The following SPARC variants were observed in gnomAD, a reference collection of about 807,000 sequenced individuals.
SPARC encodes the protein basement-membrane protein 40.
A neutral mutation model predicts 37.7 loss-of-function variants in SPARC; 23 were observed. That is an observed-to-expected ratio of 0.61 (90% CI 0.44 to 0.87). SPARC has a LOEUF of 0.87. Among genes scored for constraint, SPARC ranks in the 40% least tolerant of loss-of-function variants. The pLI, the probability that SPARC is intolerant of heterozygous loss-of-function variation, is 0.00. For synonymous variants in SPARC, 155 were observed against 150.8 expected, an observed-to-expected ratio of 1.03 and a Z score of -0.20; for missense variants, 312 against 389.0, an observed-to-expected ratio of 0.80 and a Z score of 1.66.
At chr5:151,680,765 T>A (rs191550682) in intron 1 of SPARC, among the ~76,000 whole-genome samples, 1 of 152,166 alleles carries the variant, frequency 6.6e-6, no homozygotes, top group African/African-American at 2.4e-5. Context: ...ATGGAAACAA[T>A]AACATACCAA....
At chr5:151,678,947 C>T (rs1395846036) in intron 1 of SPARC, 6 of 152,136 alleles carry the variant, frequency 3.9e-5, no homozygotes, top group Admixed American at 6.5e-5. Context: ...CACGAGATAC[C>T]TCTCTGAGGC....
At chr5:151,666,629 G>A in intron 7 of SPARC, 120 bp from the exon 8 acceptor site, 2 of 821,876 alleles carry the variant, frequency 2.4e-6, no homozygotes, top group Non-Finnish European at 3.8e-6. Flanking sequence ...AAAGCTCACA[G>A]CGAGGGGAGG....
intron 6 of SPARC, among the ~76,000 whole-genome samples, chr5:151,668,095 T>C (rs1485093111): frequency 1.3e-5 from 2 of 152,192 alleles, no homozygotes; most frequent in Non-Finnish European, 2.9e-5. Context: ...ATGTTGGACC[T>C]GAAGATTTCA....
At chr5:151,669,873 C>T in intron 5 of SPARC, 89 bp from the exon 6 acceptor site, 1 of 1,533,180 alleles carries the variant, frequency 6.5e-7, no homozygotes, top group Non-Finnish European at 8.9e-7. Flanking sequence ...GATGGGGACA[C>T]TGAGGGTTAA....
intron 4 of SPARC, 191 bp downstream of exon 4, chr5:151,672,938 T>G (rs1016335593): frequency 1.7e-6 from 1 of 592,072 alleles, no homozygotes. Flanking sequence ...AAACCGATCT[T>G]GCCCAGATCC....
intron 5 of SPARC, among the ~76,000 whole-genome samples, chr5:151,671,339 C>T (rs1760745197): frequency 6.6e-6 from 1 of 152,188 alleles, no homozygotes; most frequent in Non-Finnish European, 1.5e-5. Context: ...GAGTCTGGCA[C>T]AGGGCTTGGA....
intron 6 of SPARC, among the ~76,000 whole-genome samples, chr5:151,668,352 C>G (rs1393310648): frequency 6.6e-6 from 1 of 152,036 alleles, no homozygotes; most frequent in African/African-American, 2.4e-5. Context: ...AAGGTTTTGC[C>G]ACGTTGCCCA....
chr5:151,672,974 C>T, intron 4 of SPARC, 155 bp downstream of exon 4: 1 of 653,996 alleles, frequency 1.5e-6, no homozygotes, highest in Non-Finnish European at 2.8e-6. Flanking sequence ...CACAGTTTCC[C>T]ACTTGTTAAG....
chr5:151,667,350 T>C, intron 7 of SPARC, 117 bp downstream of exon 7: 1 of 1,150,602 alleles, frequency 8.7e-7, no homozygotes. Context: ...GTCCTGGTGC[T>C]CAGGGGTAAA....
At position 151,669,154 on chromosome 5, in the gene SPARC, G is replaced by A. The variant is rs560230253; in HGVS notation, c.451+510C>T. Among the ~76,000 whole-genome samples, 54 of 152,254 alleles carry A rather than the reference G, an allele frequency of 3.5e-4. No individual in the cohort carries two copies. In the Middle Eastern group the frequency reaches 0.01, roughly 29 times the overall value. On this transcript the variant is annotated intron_variant, in intron 6 of 9. Transcript: ENST00000231061. ...AAGAGGGTGCTTATCCTCTCTCTTC[G>A]GAGGGCAGATAGGAATGTAATGGAG...
rs2113085600 is a variant in SPARC at position 151,666,353 on chromosome 5, G to C, written c.734+8C>G. The C allele has an allele frequency of 6.2e-7, 1 of 1,613,186 alleles. No individual in the cohort carries two copies. The highest frequency in any genetic ancestry group is 1.7e-5 in the Admixed American group (1 of 59,984). Reference sequence around the variant, plus strand: ...GAGCTCTGTTCACTCTAGGGTCTGGGGTCTTACCCGTCAATGGGGTGCTGG... The same window carrying C: ...GAGCTCTGTTCACTCTAGGGTCTGGCGTCTTACCCGTCAATGGGGTGCTGG... On this transcript the variant is annotated splice_region_variant and intron_variant, in intron 8 of 9. Coordinates refer to ENST00000231061, the MANE Select transcript of SPARC (RefSeq NM_003118.4).
intron 1 of SPARC, among the ~76,000 whole-genome samples, chr5:151,677,631 G>C (rs1478425165): frequency 1.3e-5 from 2 of 152,022 alleles, no homozygotes; most frequent in African/African-American, 4.8e-5. Context: ...TGGCAGCCTC[G>C]GTCCTTAAAA....
At position 151,663,379 on chromosome 5, in the gene SPARC, G is replaced by T; in HGVS notation, c.*192C>A. 1.6e-6 allele frequency: 1 copy of T among 618,640 alleles called. No individual in the cohort carries two copies. Among genetic ancestry groups the T allele is most frequent in the Non-Finnish European group, 2.9e-6 (1 of 347,654 alleles). 38.3% of individuals were successfully genotyped at this position (618,640 alleles called of 1,614,324 possible). The stretch of plus-strand genomic sequence containing the variant: ...AATGCGTGTGGAAAAGGCCTTAATA[G>T]TTAAGTTACAGCTAAGAATGTCATG... On this transcript the variant is annotated 3_prime_UTR_variant, in exon 10 of 10. Transcript: ENST00000231061.
Position 151,666,425 on chromosome 5 carries a change from A to G in SPARC, c.670T>C (p.Tyr224His). 6.2e-7 allele frequency: 1 copy of G among 1,614,202 alleles called. No homozygotes were observed. The change falls in exon 8 of 10, where the codon TAT becomes CAT. Residue 224 changes from tyrosine (Y) to histidine (H), a missense_variant. Tyr to His is a moderately conservative substitution (Grantham distance 83). Coordinates refer to ENST00000231061, the MANE Select transcript of SPARC (RefSeq NM_003118.4). ...ELLARDFEKNYNMYIFPVHWQ... is the reference protein window; with the variant it reads ...ELLARDFEKNHNMYIFPVHWQ... Reference sequence around the variant, plus strand: ...TGTACAGGGAAGATGTACATGTTATAGTTCTTCTCGAAGTCCCGGGCCAGC... The same window carrying G: ...TGTACAGGGAAGATGTACATGTTATGGTTCTTCTCGAAGTCCCGGGCCAGC...
intron 3 of SPARC, among the ~76,000 whole-genome samples, chr5:151,673,540 TG>T (rs568418912): frequency 4.9e-4 from 74 of 152,360 alleles, no homozygotes; most frequent in Admixed American, 1.2e-3. Flanking sequence ...GAGGCTCACC[TG>T]AGACAAACGC....
intron 8 of SPARC, among the ~76,000 whole-genome samples, chr5:151,664,467 G>A (rs1017656999): frequency 6.6e-6 from 1 of 152,204 alleles, no homozygotes; most frequent in Non-Finnish European, 1.5e-5. Context: ...CAAAGAGGAG[G>A]AGATGGCCAT....
At position 151,669,660 on chromosome 5, in the gene SPARC, T is replaced by G; in HGVS notation, c.451+4A>C. ...GGAGTCTGGAAGGGCCCAAGGACAC[T>G]CACATTTGCAAGGCCCGATGTAGTC... On this transcript the variant is annotated splice_donor_region_variant and intron_variant, in intron 6 of 9. Transcript: ENST00000231061. 1 of 1,614,076 alleles carries G rather than the reference T, an allele frequency of 6.2e-7. No individual in the cohort carries two copies. The highest frequency in any genetic ancestry group is 8.5e-7 in the Non-Finnish European group (1 of 1,179,938).
At position 151,671,707 on chromosome 5, in the gene SPARC, A is replaced by G. The variant is rs1305341001; in HGVS notation, c.209-13T>C. 6.2e-7 allele frequency: 1 copy of G among 1,613,520 alleles called. No individual in the cohort carries two copies. The highest frequency in any genetic ancestry group is 1.7e-5 in the Admixed American group (1 of 59,978). ...TTCTGGCAGGGATCTGTAGGGCAGA[A>G]AGACAAGGGAGTTAGCATCACCTGG... On this transcript the variant is annotated splice_polypyrimidine_tract_variant and intron_variant, in intron 4 of 9. Transcript: ENST00000231061.
Position 151,667,555 on chromosome 5 carries a change from C to G in SPARC, c.497G>C (p.Arg166Pro). 6.2e-7 allele frequency: 1 copy of G among 1,614,156 alleles called. No individual in the cohort carries two copies. The highest frequency in any genetic ancestry group is 8.5e-7 in the Non-Finnish European group (1 of 1,180,014). The change falls in exon 7 of 10, where the codon CGC becomes CCC. Residue 166 changes from arginine (R) to proline (P), a missense_variant. Transcript: ENST00000231061. ...LDSELTEFPL[R>P]MRDWLKNVLV... ...GACGTTCTTGAGCCAGTCCCGCATG[C>G]GCAGGGGGAATTCGGTCAGCTCAGA...
Sources: gnomAD v4.1 joint callset for allele counts (sites outside exome capture counted in the v4.1 genomes callset) on GRCh38, gnomAD v4.1.1 for gene constraint, MANE v1.5 for transcripts, NCBI Gene and HGNC (gene_info 2026-07-23, HGNC 2026-07-21) for gene names.